ENTPD1: variants seen among roughly 807,000 people sequenced by gnomAD.
ENTPD1 encodes the protein ectonucleoside triphosphate diphosphohydrolase 1.
Under a neutral mutation model 57.0 loss-of-function variants are expected in ENTPD1, and 33 were observed. That is an observed-to-expected ratio of 0.58 (90% confidence interval 0.44 to 0.77). The LOEUF (loss-of-function observed/expected upper bound fraction) is 0.77. Among genes scored for constraint, ENTPD1 ranks in the 30% least tolerant of loss-of-function variants. The pLI, the probability that ENTPD1 is intolerant of heterozygous loss-of-function variation, is 0.00. For synonymous variants in ENTPD1, 202 were observed against 218.8 expected (o/e 0.92, Z 0.68); for missense variants, 501 against 603.4 (o/e 0.83, Z 1.78).
chr10:95,846,949 A>G (rs536095405), intron 6 of ENTPD1, among the ~76,000 whole-genome samples: 2 of 151,780 alleles, frequency 1.3e-5, no homozygotes, highest in African/African-American at 4.8e-5. Flanking sequence ...AGATTGCGCC[A>G]TTTTACTCCA....
intron 1 of ENTPD1, among the ~76,000 whole-genome samples, chr10:95,787,565 A>G (rs767271832): frequency 9.2e-5 from 14 of 152,218 alleles, no homozygotes; most frequent in Non-Finnish European, 1.3e-4. Flanking sequence ...TGTTGTATGA[A>G]TATAAGATAA....
At chr10:95,699,474 A>T in the ENTPD1 span, among the ~76,000 whole-genome samples, 1 of 151,758 alleles carries the variant, frequency 6.6e-6, no homozygotes, top group Non-Finnish European at 1.5e-5. Context: ...CAGGTGTGGT[A>T]GTGCACACCT....
At chr10:95,802,289 A>C (rs1041586697) in intron 1 of ENTPD1, among the ~76,000 whole-genome samples, 1 of 152,224 alleles carries the variant, frequency 6.6e-6, no homozygotes, top group Admixed American at 6.5e-5. Context: ...GTTCAGGTTA[A>C]AGATAAATGA....
rs762974413 is a variant in ENTPD1, at chr10:95,835,218, G to A, written c.145-4473G>A. On this transcript the variant is annotated intron_variant, in intron 2 of 9. Transcript: ENST00000371205. ...TGGTTTTCTGTTCCTGTGTTAATTC[G>A]CTTAGGGTAGTGGCCTCCAGCTGCA... Among the ~76,000 whole-genome samples, 8 of 152,216 alleles carry A rather than the reference G, an allele frequency of 5.3e-5. No homozygotes were observed. The South Asian group carries it at 6.2e-4, about 12-fold the overall frequency.
At chr10:95,861,283 G>A (rs947131419) in intron 8 of ENTPD1, 4 of 152,400 alleles carry the variant, frequency 2.6e-5, no homozygotes, top group African/African-American at 9.7e-5. Flanking sequence ...TCATAAACTT[G>A]AAGCACAATT....
At chr10:95,785,346 G>C (rs540191804) in intron 1 of ENTPD1, 1 of 152,360 alleles carries the variant, frequency 6.6e-6, no homozygotes, top group East Asian at 1.9e-4. Flanking sequence ...AGGCAGGTAA[G>C]TTAACTTATC....
chr10:95,827,812 A>G (rs781122662), intron 2 of ENTPD1, among the ~76,000 whole-genome samples: 2 of 152,184 alleles, frequency 1.3e-5, no homozygotes, highest in African/African-American at 4.8e-5. Flanking sequence ...GAGATATGTT[A>G]CATTCTTTTT....
intron 1 of ENTPD1, among the ~76,000 whole-genome samples, chr10:95,724,276 C>G (rs1206421205): frequency 6.6e-6 from 1 of 151,732 alleles, no homozygotes; most frequent in Non-Finnish European, 1.5e-5. Context: ...TGGTATTTTC[C>G]TCCAATTCTA....
chr10:95,723,314 C>T (rs540696416), intron 1 of ENTPD1, among the ~76,000 whole-genome samples: 2 of 152,056 alleles, frequency 1.3e-5, no homozygotes, highest in African/African-American at 4.8e-5. Flanking sequence ...CTTTCTCTCC[C>T]CTCTGTCTCT....
intron 6 of ENTPD1, among the ~76,000 whole-genome samples, chr10:95,846,988 C>A (rs1193544915): frequency 6.8e-6 from 1 of 148,030 alleles, no homozygotes; most frequent in Non-Finnish European, 1.5e-5. Context: ...GACTCCATCT[C>A]AAAAAAAAAA....
chr10:95,842,553 C>A, intron 4 of ENTPD1, 59 bp downstream of exon 4: 3 of 1,579,512 alleles, frequency 1.9e-6, no homozygotes, highest in Middle Eastern at 1.7e-4. Flanking sequence ...GTGAAAGAGC[C>A]TCTGAAGTTA....
chr10:95,781,014 G>A (rs1471592427), intron 1 of ENTPD1, among the ~76,000 whole-genome samples: 8 of 152,160 alleles, frequency 5.3e-5, no homozygotes, highest in African/African-American at 1.9e-4. Flanking sequence ...CAACCTAAGT[G>A]TCCATCGACA....
intron 7 of ENTPD1, among the ~76,000 whole-genome samples, chr10:95,857,225 G>A (rs142841694): frequency 3.9e-5 from 6 of 152,234 alleles, no homozygotes; most frequent in African/African-American, 9.6e-5. Context: ...TGACTTGATC[G>A]CTATGTATCC....
At chr10:95,733,248 A>G (rs1284974161) in intron 1 of ENTPD1, among the ~76,000 whole-genome samples, 1 of 152,230 alleles carries the variant, frequency 6.6e-6, no homozygotes, top group Non-Finnish European at 1.5e-5. Flanking sequence ...GAAGAGAAAT[A>G]TGGCTCTGTT....
Position 95,847,141 on chromosome 10 carries a change from C to T in ENTPD1, c.814-305C>T, listed in dbSNP as rs542764858. 7.9e-5 allele frequency among the ~76,000 whole-genome samples: 12 copies of T among 152,234 alleles called. No individual in the cohort carries two copies. The South Asian group carries it at 2.5e-3, about 32-fold the overall frequency. Reference sequence around the variant, plus strand: ...AGTTTCCTTGTGAATTTGCTCCTGACCTAGATGATTAGGACTAAGCACTCA... The same window carrying T: ...AGTTTCCTTGTGAATTTGCTCCTGATCTAGATGATTAGGACTAAGCACTCA... On this transcript the variant is annotated intron_variant, in intron 6 of 9. Transcript: ENST00000371205.
chr10:95,776,336 G>A (rs1222642979), intron 1 of ENTPD1, among the ~76,000 whole-genome samples: 1 of 152,138 alleles, frequency 6.6e-6, no homozygotes, highest in African/African-American at 2.4e-5. Context: ...CAGGCCTGGT[G>A]GTGACAAAAT....
chr10:95,803,302 G>A (rs1344805923), intron 1 of ENTPD1, among the ~76,000 whole-genome samples: 1 of 152,172 alleles, frequency 6.6e-6, no homozygotes. Context: ...CACAATGGTT[G>A]AGCTAGTTTA....
chr10:95,807,949 T>C (rs1177230385), intron 1 of ENTPD1, among the ~76,000 whole-genome samples: 1 of 152,188 alleles, frequency 6.6e-6, no homozygotes, highest in Admixed American at 6.5e-5. Flanking sequence ...GGACATCCAA[T>C]ACTATGTTAA....
At chr10:95,729,149 T>C (rs1469470731) in intron 1 of ENTPD1, among the ~76,000 whole-genome samples, 1 of 152,166 alleles carries the variant, frequency 6.6e-6, no homozygotes, top group Non-Finnish European at 1.5e-5. Context: ...AAGTTCAAAC[T>C]TGAGTTGTTC....
Sources: allele counts gnomAD v4.1 joint callset (sites outside exome capture counted in the v4.1 genomes callset), GRCh38; gene constraint gnomAD v4.1.1; transcripts MANE v1.5; gene names NCBI Gene and HGNC (gene_info 2026-07-23, HGNC 2026-07-21).